OPLAH: variants seen among roughly 807,000 people sequenced by gnomAD.
OPLAH encodes the protein 5-oxoprolinase.
In OPLAH, 103 loss-of-function variants were observed where a neutral mutation model predicts 122.8. The ratio of observed to expected loss-of-function variants is 0.84; its 90% CI spans 0.71 to 0.99. The LOEUF (loss-of-function observed/expected upper bound fraction) is 0.99, where lower values mean the gene tolerates loss of function less well. Ranked by LOEUF, OPLAH falls within the 50% of genes least tolerant of loss-of-function variation. The probability of loss-of-function intolerance (pLI) is 0.00; values close to 1 mark genes in which losing one functional copy is unlikely to be tolerated. For missense variants in OPLAH, 1,902 were observed against 1,836.5 expected (o/e 1.04, Z -0.65); for synonymous variants, 875 against 796.0 (o/e 1.10, Z -1.67).
rs573174529 is a variant in OPLAH, at chr8:144,052,618, C to A, written c.3154-20G>T. ...GCAGCCCTGTGCGGGGCGGGCGGCT[C>A]TCAGGAGCTCTTGGGGTGGGCTCCG... On this transcript the variant is annotated intron_variant, in intron 22 of 26. Coordinates refer to ENST00000618853, the MANE Select transcript of OPLAH (RefSeq NM_017570.5). The A allele has an allele frequency of 2.2e-5, 34 of 1,577,290 alleles. No individual in the cohort carries two copies. In the African/African-American group the frequency reaches 4.4e-4, roughly 21 times the overall value.
At chr8:144,060,360 C>G (rs942472342) in intron 1 of OPLAH, among the ~76,000 whole-genome samples, 1 of 152,160 alleles carries the variant, frequency 6.6e-6, no homozygotes, top group Non-Finnish European at 1.5e-5. Context: ...GTGGGGACGC[C>G]GCTGGACCCT....
Position 144,057,278 on chromosome 8 carries a change from C to G in OPLAH, c.1465G>C (p.Gly489Arg), listed in dbSNP as rs1204206998. 33 of 1,612,334 alleles carry G rather than the reference C, an allele frequency of 2.0e-5. No homozygotes were observed. Among genetic ancestry groups the G allele is most frequent in the African/African-American group, 2.7e-5 (2 of 74,952 alleles). ...CATGCATGCTGCCCACCAGCTCCCC[C>G]AAAGCAGGCCAGCACATGGGCTGAG... The part of the protein sequence containing the change: ...DPSAHVLACF[G>R]GAGGQHACAI... The change falls in exon 11 of 27, where the codon GGG becomes CGG. Residue 489 changes from glycine (G) to arginine (R), a missense_variant. Physicochemically the swap from Gly to Arg is moderately radical, Grantham distance 125. This residue lies in a region of OPLAH where 1,726 missense variants were observed against 1,642.1 expected (regional missense o/e 1.05). Coordinates refer to ENST00000618853, the MANE Select transcript of OPLAH (RefSeq NM_017570.5).
At chr8:144,056,546 A>G in intron 13 of OPLAH, 23 bp from the exon 14 acceptor site, 1 of 1,612,306 alleles carries the variant, frequency 6.2e-7, no homozygotes, top group Middle Eastern at 1.7e-4. Context: ...CGGGGACCCA[A>G]GGAGTGGTCA....
intron 7 of OPLAH, 22 bp downstream of exon 7, chr8:144,058,217 C>G: frequency 6.2e-7 from 1 of 1,604,814 alleles, no homozygotes; most frequent in Non-Finnish European, 8.5e-7. Context: ...CTCCCCGAGA[C>G]CCCAGCCCTC....
At chr8:144,060,209 C>G (rs1159599141) in intron 1 of OPLAH, 124 bp from the exon 2 acceptor site, 1 of 724,410 alleles carries the variant, frequency 1.4e-6, no homozygotes, top group African/African-American at 1.8e-5. Context: ...GAGCCAGAGC[C>G]GCAGGCCCAG....
At chr8:144,050,614 AGCCCTGG>A, downstream of OPLAH, 1 of 985,590 alleles carries the variant, frequency 1.0e-6, no homozygotes. Flanking sequence ...CGCCAAAAGC[AGCCCTGG>A]GCCCTGGGTA....
Position 144,051,491 on chromosome 8 carries a change from G to A in OPLAH, c.3721-19C>T, listed in dbSNP as rs782679942. ...ACACATCCTGTTGGCGCGGGGGGGG[G>A]CGGGGAGGCGGGCTCAGTGCAGGCG... On this transcript the variant is annotated intron_variant, in intron 26 of 26. Coordinates refer to ENST00000618853, the MANE Select transcript of OPLAH (RefSeq NM_017570.5). The A allele has an allele frequency of 8.0e-6, 11 of 1,381,848 alleles. No individual in the cohort carries two copies. Among genetic ancestry groups the A allele is most frequent in the East Asian group, 2.4e-5 (1 of 41,210 alleles). 85.6% of individuals were successfully genotyped at this position (1,381,848 alleles called of 1,614,324 possible). A position where few individuals can be genotyped will look rare whatever the true frequency, so the allele number is the denominator to read the frequency against.
rs1564292461 is a variant in OPLAH, at chr8:144,057,612, G to A, written c.1258C>T (p.Pro420Ser). The A allele has an allele frequency of 3.1e-6, 5 of 1,593,866 alleles. No homozygotes were observed. Among genetic ancestry groups the A allele is most frequent in the East Asian group, 2.2e-5 (1 of 44,614 alleles). ...TCCAGGGCTTTGCGGGAGGCCTCAG[G>A]GGAAAGTGGTTGGTTCTCTCCCGGC... is the stretch of plus-strand genomic sequence containing the variant. ...FGPGENQPLSPEASRKALEAV... is the reference protein window; with the variant it reads ...FGPGENQPLSSEASRKALEAV... The change falls in exon 10 of 27, where the codon CCT (proline) becomes TCT (serine). Residue 420 changes from proline (P) to serine (S), a missense_variant. Physicochemically the swap from Pro to Ser is moderately conservative, Grantham distance 74. Coordinates refer to ENST00000618853, the MANE Select transcript of OPLAH (RefSeq NM_017570.5).
At chr8:144,053,636 C>A (rs1219659610) in intron 19 of OPLAH, among the ~76,000 whole-genome samples, 2 of 152,046 alleles carry the variant, frequency 1.3e-5, no homozygotes, top group Non-Finnish European at 2.9e-5. Context: ...CCTGCCCCAG[C>A]TCACATTGAC....
In OPLAH at chr8:144,055,918, A is replaced by C; in HGVS notation, c.2118T>G (p.Gly706=). 1 of 1,586,358 alleles carries C rather than the reference A, an allele frequency of 6.3e-7. No homozygotes were observed. The highest frequency in any genetic ancestry group is 8.6e-7 in the Non-Finnish European group (1 of 1,166,342). ...CTGTCTTGGTCACCTCTGCCTGGCA[A>C]CCTGGCTCCACCAGGATGGTGCTGG... ...DSNSTILVEP[G]CQAEVTKTGD... is the part of the protein sequence containing the mutation. Residue 706 remains glycine (G), a synonymous_variant, in exon 16 of 27, where the codon GGT becomes GGG. Transcript: ENST00000618853. This position sits in a 1 kb window ranked among gnomAD's most constrained non-coding sequence, Gnocchi z 6.5.
At chr8:144,057,815 A>T (rs1554759712) in intron 9 of OPLAH, 41 bp downstream of exon 9, 2 of 1,604,624 alleles carry the variant, frequency 1.2e-6, no homozygotes. Flanking sequence ...TGCGGCGGCA[A>T]GCGGAGGGCA....
chr8:144,052,730 G>C, intron 22 of OPLAH, 36 bp downstream of exon 22: 1 of 1,556,318 alleles, frequency 6.4e-7, no homozygotes, highest in Non-Finnish European at 8.7e-7. Context: ...GTGACCTCGG[G>C]CTGGGGCCCC....
In OPLAH at chr8:144,058,776, T is replaced by G; in HGVS notation, c.584A>C (p.Tyr195Ser). ...CCCACAGCCCCACCTCACTCACGTG[T>G]ACGAGTGCATGAGCACCACAGCCAG... ...RSLAVVLMHS[Y>S]TWAQHEQQVG... Residue 195 changes from tyrosine to serine, a missense_variant, in exon 5 of 27, where the codon TAC becomes TCC. By Grantham distance (144) the Tyr-to-Ser change is moderately radical (BLOSUM62 -2). Transcript: ENST00000618853. 6.2e-7 allele frequency: 1 copy of G among 1,601,154 alleles called. No individual in the cohort carries two copies. The highest frequency in any genetic ancestry group is 1.1e-5 in the South Asian group (1 of 89,884).
upstream of OPLAH, among the ~76,000 whole-genome samples, chr8:144,060,957 A>C (rs1306421585): frequency 6.6e-6 from 1 of 152,206 alleles, no homozygotes; most frequent in African/African-American, 2.4e-5. Flanking sequence ...TGTCCTGGGC[A>C]AGGGGAGCTG....
chr8:144,052,439 GC>G lies in OPLAH; in HGVS notation c.3303+9del. 1 of 1,506,122 alleles carries G rather than the reference GC, an allele frequency of 6.6e-7. No homozygotes were observed. The allele number at this position is 1,506,122 out of a possible 1,614,324, so 93.3% of individuals were successfully genotyped here. ...TCCGCCCCCGAGCTGCGCCCACCCC[GC>G]CCCCGCACCTGGGAGGCGGCGCAGG... On this transcript the variant is annotated intron_variant, in intron 23 of 26. Transcript: ENST00000618853.
rs1463538543 is a variant in OPLAH, at chr8:144,058,957, C to T, written c.463+23G>A. ...AGCAGGACCCTCCGGCCCCAAATCC[C>T]ACAGCAGCGGCGGCACACACACCTT... On this transcript the variant is annotated intron_variant, in intron 4 of 26. Transcript: ENST00000618853. 3 of 1,558,684 alleles carry T rather than the reference C, an allele frequency of 1.9e-6. No individual in the cohort carries two copies. The East Asian group carries it at 7.3e-5, about 38-fold the overall frequency.
In OPLAH at chr8:144,052,169, C is replaced by G. The variant is rs1564287626; in HGVS notation, c.3461G>C (p.Arg1154Pro). 1.3e-6 allele frequency: 2 copies of G among 1,566,254 alleles called. No individual in the cohort carries two copies. The highest frequency in any genetic ancestry group is 1.7e-6 in the Non-Finnish European group (2 of 1,158,868). Residue 1154 changes from arginine to proline, a missense_variant and splice_region_variant, in exon 24 of 27, where the codon CGG (arginine) becomes CCG (proline). Physicochemically the swap from Arg to Pro is moderately radical, Grantham distance 103 (BLOSUM62 -2). Transcript: ENST00000618853. ...CCCAGCCTCCGCGCACGCCGCTCAC[C>G]GGCTCTCCAGGATCTCAGGGTCGGT... ...RITDPEILESRYPVILRRFEL... is the reference protein window; with the variant it reads ...RITDPEILESPYPVILRRFEL...
chr8:144,058,264 C>T lies in OPLAH; in HGVS notation c.924G>A (p.Gln308=). ...CTCCCATGTCAAAGCCGATGACAGG[C>T]TGGCCACCCTCCTGCTGGTAGGTGG... is the stretch of plus-strand genomic sequence containing the variant. ...SATTYQQEGG[Q]PVIGFDMGGT... Residue 308 remains glutamine (Q), a synonymous_variant, in exon 7 of 27, where the codon CAG becomes CAA. Transcript: ENST00000618853. The T allele has an allele frequency of 6.2e-7, 1 of 1,610,578 alleles. No individual in the cohort carries two copies. Among genetic ancestry groups the T allele is most frequent in the Non-Finnish European group, 8.5e-7 (1 of 1,178,916 alleles).
At chr8:144,054,981 TGGA>T in intron 17 of OPLAH, 45 bp downstream of exon 17, 1 of 321,980 alleles carries the variant, frequency 3.1e-6, no homozygotes, top group East Asian at 5.0e-5. Flanking sequence ...GGGGGGGGGG[TGGA>T]GGGTGAGGGA....
Sources: allele counts gnomAD v4.1 joint callset (sites outside exome capture counted in the v4.1 genomes callset), GRCh38; gene constraint gnomAD v4.1.1; regional missense constraint gnomAD v4.1.1; non-coding constraint Gnocchi (gnomAD v3.1); transcripts MANE v1.5; gene names NCBI Gene and HGNC (gene_info 2026-07-23, HGNC 2026-07-21).